The following GALNT13 variants were observed in gnomAD, a reference collection of about 807,000 sequenced individuals.
The protein encoded by GALNT13 is UDP-GalNAc:polypeptide N-acetylgalactosaminyltransferase 13.
GALNT13 carries 28 observed loss-of-function variants against 64.2 expected under a neutral mutation model. The observed-to-expected ratio is 0.44, with a 90% CI of 0.32 to 0.60. GALNT13 has a LOEUF of 0.60. Ranked by LOEUF, GALNT13 falls within the 20% of genes least tolerant of loss-of-function variation. GALNT13 has a pLI of 0.05. For missense variants in GALNT13, 577 were observed against 669.8 expected (o/e 0.86, Z 1.53); for synonymous variants, 214 against 224.6 (o/e 0.95, Z 0.42).
chr2:154,307,373 A>G (rs577088527), intron 9 of GALNT13, among the ~76,000 whole-genome samples: 8 of 152,326 alleles, frequency 5.3e-5, no homozygotes, highest in African/African-American at 7.2e-5. Flanking sequence ...TTTGGTATTT[A>G]TATTTCTTAA....
chr2:153,887,154 T>G (rs1687237816), intron 1 of GALNT13, among the ~76,000 whole-genome samples: 1 of 151,896 alleles, frequency 6.6e-6, no homozygotes, highest in Admixed American at 6.6e-5. Flanking sequence ...CATTTAATTC[T>G]TACAGCACTA....
At chr2:153,256,957 C>T in the GALNT13 span, among the ~76,000 whole-genome samples, 1 of 152,244 alleles carries the variant, frequency 6.6e-6, no homozygotes, top group East Asian at 1.9e-4. Flanking sequence ...AGGCAGGCCT[C>T]CTTGAGCTGT....
chr2:153,969,677 T>C (rs560165180), intron 3 of GALNT13, among the ~76,000 whole-genome samples: 1 of 152,308 alleles, frequency 6.6e-6, no homozygotes, highest in East Asian at 1.9e-4. Flanking sequence ...TATTACAGTT[T>C]GCTTAAACAT....
chr2:154,298,681 C>CAATGTATACATAAATTGTATATAT (rs1553511478), intron 8 of GALNT13, among the ~76,000 whole-genome samples: 1 of 5,316 alleles, frequency 1.9e-4, no homozygotes, highest in Non-Finnish European at 3.7e-4. Context: ...ATTGTATATA[C>CAATGTATACATAAATTGTATATAT]AATTTATATA....
Position 154,242,047 on chromosome 2 carries a change from AC to A in GALNT13, c.332del (p.Pro111LeufsTer9), listed in dbSNP as rs1207385343. ...VRLEGCKTKV[Y>X]PDELPNTSVV... ...TTTTTCAGATGTAAGACAAAAGTCT[AC>A]CCTGATGAACTTCCAAACACAAGTG... On this transcript the variant is annotated frameshift_variant, in exon 5 of 13. Transcript: ENST00000392825. LOFTEE classifies it high-confidence loss of function. 1 of 1,603,688 alleles carries A rather than the reference AC, an allele frequency of 6.2e-7. No individual in the cohort carries two copies. The highest frequency in any genetic ancestry group is 8.5e-7 in the Non-Finnish European group (1 of 1,175,308).
intron 3 of GALNT13, among the ~76,000 whole-genome samples, chr2:153,985,046 A>G (rs547399975): frequency 2.0e-5 from 3 of 152,122 alleles, no homozygotes; most frequent in African/African-American, 7.2e-5. Flanking sequence ...TATCTGAAAA[A>G]TGGGAAAACA....
the GALNT13 span, among the ~76,000 whole-genome samples, chr2:153,234,475 C>T: frequency 6.6e-6 from 1 of 152,114 alleles, no homozygotes; most frequent in East Asian, 1.9e-4. Flanking sequence ...AGAAGAATGC[C>T]ATGTCACTGG....
At chr2:154,440,639 T>C (rs1701242849) in intron 12 of GALNT13, among the ~76,000 whole-genome samples, 1 of 152,118 alleles carries the variant, frequency 6.6e-6, no homozygotes, top group Non-Finnish European at 1.5e-5. Flanking sequence ...TATTGAGAAA[T>C]TTTTATTTTA....
At chr2:153,496,864 C>T in the GALNT13 span, among the ~76,000 whole-genome samples, 1 of 151,728 alleles carries the variant, frequency 6.6e-6, no homozygotes, top group South Asian at 2.1e-4. Flanking sequence ...TGTGGTGGTG[C>T]ACGCCTGTAG....
At chr2:154,271,400 A>G (rs919188226) in intron 8 of GALNT13, among the ~76,000 whole-genome samples, 2 of 151,992 alleles carry the variant, frequency 1.3e-5, no homozygotes, top group African/African-American at 2.4e-5. Context: ...AGGCAATTTC[A>G]TGAGGATTTA....
At chr2:153,719,615 G>A in the GALNT13 span, among the ~76,000 whole-genome samples, 7 of 152,150 alleles carry the variant, frequency 4.6e-5, no homozygotes, top group Admixed American at 2.6e-4. Flanking sequence ...CACCGTGCAC[G>A]AGCCGAAGCA....
chr2:153,139,312 G>A, the GALNT13 span, among the ~76,000 whole-genome samples: 101 of 152,082 alleles, frequency 6.6e-4, no homozygotes, highest in African/African-American at 2.3e-3. Flanking sequence ...CATTTTAGGA[G>A]TCTTTGAGCT....
At chr2:153,665,870 C>G in the GALNT13 span, among the ~76,000 whole-genome samples, 1 of 152,128 alleles carries the variant, frequency 6.6e-6, no homozygotes, top group Non-Finnish European at 1.5e-5. Context: ...AACAGGACTC[C>G]AGGCAGTGTG....
chr2:154,198,588 A>G (rs1352890786), intron 4 of GALNT13, among the ~76,000 whole-genome samples: 1 of 151,984 alleles, frequency 6.6e-6, no homozygotes, highest in Non-Finnish European at 1.5e-5. Context: ...TAACTTCTTT[A>G]ACTTACAGGG....
chr2:153,932,072 A>C (rs145552145), intron 2 of GALNT13, among the ~76,000 whole-genome samples: 99 of 152,020 alleles, frequency 6.5e-4, no homozygotes, highest in African/African-American at 2.3e-3. Context: ...TCTGTTTTCT[A>C]GTCTGTGTTA....
At chr2:153,153,574 A>G in the GALNT13 span, among the ~76,000 whole-genome samples, 1 of 151,638 alleles carries the variant, frequency 6.6e-6, no homozygotes, top group Non-Finnish European at 1.5e-5. Flanking sequence ...CATATATGGT[A>G]TAAGGAAGGG....
At chr2:153,721,485 C>T in the GALNT13 span, among the ~76,000 whole-genome samples, 3 of 150,616 alleles carry the variant, frequency 2.0e-5, no homozygotes, top group South Asian at 4.2e-4. Context: ...TATAAATGGA[C>T]TAAATTCTCC....
the GALNT13 span, among the ~76,000 whole-genome samples, chr2:153,821,692 A>G: frequency 6.6e-6 from 1 of 152,184 alleles, no homozygotes; most frequent in Non-Finnish European, 1.5e-5. Flanking sequence ...ACAAGGACAA[A>G]TTAGCCCCAG....
At chr2:153,320,707 T>C in the GALNT13 span, among the ~76,000 whole-genome samples, 1 of 152,216 alleles carries the variant, frequency 6.6e-6, no homozygotes, top group Non-Finnish European at 1.5e-5. Context: ...TGAAGTGAGA[T>C]GATGACTGAT....
Sources: gnomAD v4.1 joint callset for allele counts (sites outside exome capture counted in the v4.1 genomes callset) on GRCh38, gnomAD v4.1.1 for gene constraint, MANE v1.5 for transcripts, NCBI Gene and HGNC (gene_info 2026-07-23, HGNC 2026-07-21) for gene names.